The following LRIG3 variants were observed in gnomAD, a reference collection of about 807,000 sequenced individuals.
LRIG3 encodes the protein leucine-rich repeats and immunoglobulin-like domains protein 3.
LRIG3 carries 76 observed loss-of-function variants against 114.5 expected under a neutral mutation model. That is an observed-to-expected ratio of 0.66 (90% CI 0.55 to 0.80). LRIG3 has a LOEUF of 0.80. Ranked by LOEUF, LRIG3 falls within the 30% of genes least tolerant of loss-of-function variation. The pLI is 0.00. For synonymous variants in LRIG3, 512 were observed against 519.8 expected, an observed-to-expected ratio of 0.98 and a Z score of 0.20; for missense variants, 1,239 against 1,382.8, an observed-to-expected ratio of 0.90 and a Z score of 1.65.
chr12:58,892,479 T>C (rs1171204986), intron 3 of LRIG3, among the ~76,000 whole-genome samples: 1 of 152,218 alleles, frequency 6.6e-6, no homozygotes, highest in Admixed American at 6.5e-5. Flanking sequence ...TGCATTATTG[T>C]AACTCATCAG....
intron 5 of LRIG3, among the ~76,000 whole-genome samples, chr12:58,889,338 A>G (rs1277696660): frequency 1.3e-5 from 2 of 152,202 alleles, no homozygotes; most frequent in East Asian, 3.8e-4. Flanking sequence ...TATCCTGTAC[A>G]ATCTGTTTAC....
chr12:58,919,535 G>C, intron 1 of LRIG3: 7 of 1,550,776 alleles, frequency 4.5e-6, no homozygotes, highest in Non-Finnish European at 5.2e-6. Flanking sequence ...TGAAAAGCCT[G>C]ACTTCAGTTA....
intron 1 of LRIG3, among the ~76,000 whole-genome samples, chr12:58,918,974 T>C (rs906318197): frequency 1.1e-4 from 16 of 152,244 alleles, no homozygotes; most frequent in Non-Finnish European, 2.1e-4. Context: ...CATTAGGGCA[T>C]TGGAATAGTT....
At chr12:58,886,155 G>GT (rs1228020073) in intron 9 of LRIG3, among the ~76,000 whole-genome samples, 6 of 152,018 alleles carry the variant, frequency 3.9e-5, no homozygotes, top group Middle Eastern at 3.2e-3. Flanking sequence ...TTAAATCACT[G>GT]TTTTTCAGAG....
intron 3 of LRIG3, among the ~76,000 whole-genome samples, chr12:58,891,710 T>C (rs909991809): frequency 2.0e-5 from 3 of 152,170 alleles, no homozygotes; most frequent in South Asian, 2.1e-4. Flanking sequence ...GCCCTTTCAA[T>C]AGTACAAAAG....
Position 58,876,466 on chromosome 12 carries a change from A to G in LRIG3, c.2674T>C (p.Leu892=), listed in dbSNP as rs186204791. The part of the protein sequence containing the change: ...FVTSSGAGFF[L]PQHDSSGTCH... ...TTACCACTACTGTCATGTTGTGGTA[A>G]GAAAAATCCAGCACCTGAAGATGTG... is the stretch of plus-strand genomic sequence containing the variant. Residue 892 remains leucine (L), a synonymous_variant, in exon 16 of 19, where the codon TTA becomes CTA. Coordinates refer to ENST00000320743, the MANE Select transcript of LRIG3 (RefSeq NM_153377.5). 4.3e-5 allele frequency: 69 copies of G among 1,614,128 alleles called. No homozygotes were observed. In the African/African-American group the frequency reaches 7.1e-4, roughly 17 times the overall value.
Position 58,920,327 on chromosome 12 carries a change from C to A in LRIG3, c.-92G>T, listed in dbSNP as rs117169805. 0.07 allele frequency: 67,576 copies of A among 963,034 alleles called. 2,728 individuals carry two copies. Among genetic ancestry groups the A allele is most frequent in the South Asian group, 0.097 (2,959 of 30,606 alleles). The allele number at this position is 963,034 out of a possible 1,614,324, so 59.7% of individuals were successfully genotyped here. A position where few individuals can be genotyped will look rare whatever the true frequency, so the allele number is the denominator to read the frequency against. ...ACTTCCAGCCGAGGGTGCACGCCCGCCCTCGCGGTCGCGTGCGCGCTCCTC... is the reference window on the plus strand; with the variant it reads ...ACTTCCAGCCGAGGGTGCACGCCCGACCTCGCGGTCGCGTGCGCGCTCCTC... On this transcript the variant is annotated 5_prime_UTR_variant, in exon 1 of 19. Transcript: ENST00000320743.
chr12:58,912,634 G>T (rs1299849745), intron 3 of LRIG3, among the ~76,000 whole-genome samples: 1 of 152,192 alleles, frequency 6.6e-6, no homozygotes, highest in Admixed American at 6.5e-5. Flanking sequence ...CTGCACTGCA[G>T]ATCCTCTCAG....
At chr12:58,919,723 C>T (rs74099595) in intron 1 of LRIG3, among the ~76,000 whole-genome samples, 1 of 152,310 alleles carries the variant, frequency 6.6e-6, no homozygotes, top group African/African-American at 2.4e-5. Flanking sequence ...ACTTCATCCC[C>T]AATCTCTGGC....
intron 14 of LRIG3, 42 bp downstream of exon 14, chr12:58,878,782 C>T: frequency 6.3e-7 from 1 of 1,579,460 alleles, no homozygotes; most frequent in South Asian, 1.2e-5. Flanking sequence ...CTAGTATCTT[C>T]AAGACTGATT....
At chr12:58,879,145 G>C in intron 13 of LRIG3, 40 bp from the exon 14 acceptor site, 1 of 1,546,580 alleles carries the variant, frequency 6.5e-7, no homozygotes. Flanking sequence ...GCACAGTGGA[G>C]TCTTACAGGT....
Position 58,874,537 on chromosome 12 carries a change from A to T in LRIG3, c.2732T>A (p.Val911Glu). ...AAGGAACAGATCTGTGGCAGCTTCCACATCAGCTTCACTGCTATTGTCAAT... is the reference window on the plus strand; with the variant it reads ...AAGGAACAGATCTGTGGCAGCTTCCTCATCAGCTTCACTGCTATTGTCAAT... ...CHIDNSSEADVEAATDLFLCP... is the reference protein window; with the variant it reads ...CHIDNSSEADEEAATDLFLCP... The change falls in exon 17 of 19, where the codon GTG becomes GAG. Residue 911 changes from valine to glutamate, a missense_variant. By Grantham distance (121) the Val-to-Glu change is moderately radical. Coordinates refer to ENST00000320743, the MANE Select transcript of LRIG3 (RefSeq NM_153377.5). 6.2e-7 allele frequency: 1 copy of T among 1,614,234 alleles called. No homozygotes were observed. The highest frequency in any genetic ancestry group is 8.5e-7 in the Non-Finnish European group (1 of 1,180,032).
chr12:58,895,598 G>A (rs756077410), intron 3 of LRIG3, among the ~76,000 whole-genome samples: 3 of 152,170 alleles, frequency 2.0e-5, no homozygotes, highest in Admixed American at 6.5e-5. Context: ...GTTGGGCCCT[G>A]GAAACCACAT....
At chr12:58,884,536 T>C (rs116641888) in intron 10 of LRIG3, among the ~76,000 whole-genome samples, 1,664 of 152,320 alleles carry the variant, frequency 0.011, 31 homozygotes, top group African/African-American at 0.037. Flanking sequence ...ATGGGCCAAA[T>C]GACAAACCCT....
intron 3 of LRIG3, among the ~76,000 whole-genome samples, chr12:58,902,170 CCATT>C (rs763169399): frequency 6.6e-5 from 10 of 152,168 alleles, no homozygotes; most frequent in Non-Finnish European, 1.5e-4. Flanking sequence ...CTGTAAACAT[CCATT>C]CATCTTTGAA....
chr12:58,873,802 T>A, intron 18 of LRIG3: 1 of 537,428 alleles, frequency 1.9e-6, no homozygotes, highest in South Asian at 2.2e-5. Context: ...ACCCTTGTCT[T>A]GGAGTAGATG....
chr12:58,877,309 C>T, intron 15 of LRIG3, 91 bp downstream of exon 15: 7 of 1,328,966 alleles, frequency 5.3e-6, no homozygotes, highest in Non-Finnish European at 6.3e-6. Flanking sequence ...CTGAGATGAA[C>T]TCAGACTGCA....
At chr12:58,899,811 G>A (rs1032553859) in intron 3 of LRIG3, among the ~76,000 whole-genome samples, 1 of 152,140 alleles carries the variant, frequency 6.6e-6, no homozygotes, top group South Asian at 2.1e-4. Flanking sequence ...GTGAGTGCCA[G>A]CACAGGTGAA....
intron 3 of LRIG3, among the ~76,000 whole-genome samples, chr12:58,891,381 T>C (rs532644512): frequency 8.5e-5 from 13 of 152,248 alleles, no homozygotes; most frequent in African/African-American, 2.9e-4. Flanking sequence ...GTGCTAGGAT[T>C]ACAGGTGTGA....
Sources: allele counts gnomAD v4.1 joint callset (sites outside exome capture counted in the v4.1 genomes callset), GRCh38; gene constraint gnomAD v4.1.1; transcripts MANE v1.5; gene names NCBI Gene and HGNC (gene_info 2026-07-23, HGNC 2026-07-21).